ORC3: variants seen among roughly 807,000 people sequenced by gnomAD.
ORC3 encodes origin recognition complex subunit 3.
A neutral mutation model predicts 100.7 loss-of-function variants in ORC3; 78 were observed. The observed-to-expected ratio is 0.77, with a 90% CI of 0.65 to 0.94. ORC3 has a LOEUF of 0.94. Among genes scored for constraint, ORC3 ranks in the 40% least tolerant of loss-of-function variants. The pLI is 0.00. For missense variants in ORC3, 789 were observed against 823.9 expected (o/e 0.96, Z 0.52); for synonymous variants, 295 against 289.3 (o/e 1.02, Z -0.20).
the ORC3 span, chr6:87,675,761 T>C: frequency 1.2e-5 from 17 of 1,465,858 alleles, no homozygotes; most frequent in Non-Finnish European, 1.6e-5. Context: ...CTCAGTAATT[T>C]TGTTGAATTC....
At chr6:87,602,895 C>CAT (rs1354131168) in intron 3 of ORC3, among the ~76,000 whole-genome samples, 4 of 93,802 alleles carry the variant, frequency 4.3e-5, no homozygotes, top group African/African-American at 1.0e-4. Flanking sequence ...TGTCATATAT[C>CAT]ATATATATAT....
In ORC3 at chr6:87,610,666, G is replaced by A. The variant is rs1467873827; in HGVS notation, c.714-1423G>A. Among the ~76,000 whole-genome samples the A allele has an allele frequency of 4.1e-5, 6 of 147,644 alleles. 1 individual carries two copies. Among genetic ancestry groups the A allele is most frequent in the African/African-American group, 1.3e-4 (5 of 39,030 alleles). On this transcript the variant is annotated intron_variant, in intron 7 of 19. Transcript: ENST00000392844. ...CTTCCCGGGTTCACGCCATTCTCCT[G>A]CCTCAGCCTCCCGAGTAGCTGGGAC...
chr6:87,656,289 C>A (rs1218078413), intron 14 of ORC3, among the ~76,000 whole-genome samples: 1 of 152,094 alleles, frequency 6.6e-6, no homozygotes, highest in Non-Finnish European at 1.5e-5. Context: ...TGTATAACAT[C>A]AAAAATATTT....
At chr6:87,610,515 C>A (rs1562330936) in intron 7 of ORC3, among the ~76,000 whole-genome samples, 1 of 151,840 alleles carries the variant, frequency 6.6e-6, no homozygotes, top group Non-Finnish European at 1.5e-5. Flanking sequence ...GCCACCACAC[C>A]CAGCTAATTT....
intron 8 of ORC3, among the ~76,000 whole-genome samples, 195 bp downstream of exon 8, chr6:87,612,443 C>T (rs922109706): frequency 6.6e-6 from 1 of 152,030 alleles, no homozygotes; most frequent in African/African-American, 2.4e-5. Context: ...TTGTATATTA[C>T]CTCTTCAGGT....
At chr6:87,633,120 A>G (rs1197982034) in intron 11 of ORC3, among the ~76,000 whole-genome samples, 1 of 152,208 alleles carries the variant, frequency 6.6e-6, no homozygotes, top group Admixed American at 6.5e-5. Flanking sequence ...TCACCCAGAT[A>G]CTTGTACACA....
At chr6:87,627,088 C>A (rs1036507589) in intron 11 of ORC3, among the ~76,000 whole-genome samples, 1 of 151,866 alleles carries the variant, frequency 6.6e-6, no homozygotes, top group Non-Finnish European at 1.5e-5. Flanking sequence ...ACCTCCACCT[C>A]CCAGGTTCAA....
chr6:87,623,695 C>A (rs1242668189), intron 11 of ORC3, among the ~76,000 whole-genome samples: 1 of 152,020 alleles, frequency 6.6e-6, no homozygotes, highest in Non-Finnish European at 1.5e-5. Context: ...ACCAGTCTGG[C>A]CAACATTGTG....
chr6:87,591,668 T>G (rs1414510869), intron 1 of ORC3, among the ~76,000 whole-genome samples: 1 of 152,212 alleles, frequency 6.6e-6, no homozygotes, highest in Non-Finnish European at 1.5e-5. Flanking sequence ...GATGAGACCT[T>G]ACATGAATAA....
intron 2 of ORC3, among the ~76,000 whole-genome samples, chr6:87,600,103 A>G (rs945024914): frequency 2.0e-5 from 3 of 152,224 alleles, no homozygotes; most frequent in Non-Finnish European, 4.4e-5. Flanking sequence ...TAAAATTAAA[A>G]ATCAATAGTT....
chr6:87,637,063 T>C (rs1359090512), intron 13 of ORC3, among the ~76,000 whole-genome samples: 3 of 152,226 alleles, frequency 2.0e-5, no homozygotes, highest in African/African-American at 7.2e-5. Context: ...TCACTTCTTA[T>C]ATGTATAGTT....
intron 2 of ORC3, among the ~76,000 whole-genome samples, chr6:87,596,165 T>TG (rs1251509464): frequency 6.6e-6 from 1 of 151,630 alleles, no homozygotes; most frequent in African/African-American, 2.4e-5. Context: ...TTTTTGTTTT[T>TG]TTTTTTTGAG....
chr6:87,653,370 C>A, intron 14 of ORC3, 121 bp downstream of exon 14: 1 of 812,062 alleles, frequency 1.2e-6, no homozygotes, highest in South Asian at 2.5e-5. Context: ...CATGATCAGT[C>A]AGTATGCCAA....
intron 14 of ORC3, among the ~76,000 whole-genome samples, chr6:87,653,909 T>A (rs1423596591): frequency 6.6e-6 from 1 of 152,172 alleles, no homozygotes; most frequent in East Asian, 1.9e-4. Context: ...TAGGTAGCCA[T>A]GTTCTGTTCC....
intron 1 of ORC3, among the ~76,000 whole-genome samples, chr6:87,592,372 T>C (rs1426633554): frequency 6.6e-6 from 1 of 152,222 alleles, no homozygotes; most frequent in East Asian, 1.9e-4. Flanking sequence ...GGCTCATGCC[T>C]GTAATCCCAA....
chr6:87,614,213 G>C (rs1426018105), intron 8 of ORC3, among the ~76,000 whole-genome samples: 1 of 152,192 alleles, frequency 6.6e-6, no homozygotes, highest in Admixed American at 6.5e-5. Flanking sequence ...AGGGCTTGGG[G>C]CTTGCACTCT....
intron 17 of ORC3, among the ~76,000 whole-genome samples, chr6:87,663,859 C>T (rs551495655): frequency 6.6e-6 from 1 of 152,116 alleles, no homozygotes; most frequent in African/African-American, 2.4e-5. Context: ...AATCTTGCCA[C>T]AATAAATACT....
chr6:87,640,712 G>C (rs1768178842), intron 13 of ORC3, among the ~76,000 whole-genome samples: 1 of 152,132 alleles, frequency 6.6e-6, no homozygotes, highest in Non-Finnish European at 1.5e-5. Flanking sequence ...GAAAATTTCT[G>C]AACACCCATC....
intron 13 of ORC3, among the ~76,000 whole-genome samples, chr6:87,650,426 TTCA>T (rs1384954389): frequency 2.6e-5 from 4 of 152,188 alleles, no homozygotes; most frequent in Non-Finnish European, 5.9e-5. Context: ...AATGATTAAT[TTCA>T]TCCTCCTTCT....
Sources: allele counts gnomAD v4.1 joint callset (sites outside exome capture counted in the v4.1 genomes callset), GRCh38; gene constraint gnomAD v4.1.1; transcripts MANE v1.5; gene names NCBI Gene and HGNC (gene_info 2026-07-23, HGNC 2026-07-21).